PLEKHG7: variants seen among roughly 807,000 people sequenced by gnomAD.
PLEKHG7 encodes pleckstrin homology domain-containing family G member 7.
In PLEKHG7, 77 loss-of-function variants were observed where a neutral mutation model predicts 85.2. The observed-to-expected ratio is 0.90, with a 90% CI of 0.75 to 1.09. The LOEUF is 1.09. Among genes scored for constraint, PLEKHG7 ranks in the 50% least tolerant of loss-of-function variants. PLEKHG7 has a pLI of 0.00. For synonymous variants in PLEKHG7, 301 were observed against 302.4 expected (o/e 1.00, Z 0.05); for missense variants, 777 against 804.3 (o/e 0.97, Z 0.41).
intron 10 of PLEKHG7, among the ~76,000 whole-genome samples, chr12:92,748,476 A>T (rs1046467745): frequency 1.3e-5 from 2 of 151,532 alleles, no homozygotes; most frequent in Admixed American, 1.3e-4. Context: ...TTGAACTCCT[A>T]ACCTCAAGTG....
chr12:92,732,884 A>G (rs941324294), intron 5 of PLEKHG7, among the ~76,000 whole-genome samples: 2 of 152,096 alleles, frequency 1.3e-5, no homozygotes, highest in African/African-American at 4.8e-5. Flanking sequence ...CATGATGACA[A>G]CCTGACTCCT....
At chr12:92,725,690 T>A (rs979307602) in intron 3 of PLEKHG7, among the ~76,000 whole-genome samples, 8 of 152,206 alleles carry the variant, frequency 5.3e-5, no homozygotes, top group African/African-American at 1.9e-4. Context: ...TTCATATATT[T>A]TGTAAAAAAT....
At position 92,772,050 on chromosome 12, in the gene PLEKHG7, G is replaced by C. The variant is rs1313151024; in HGVS notation, c.*1855G>C. 1 of 151,488 alleles carries C rather than the reference G, an allele frequency of 6.6e-6. No individual in the cohort carries two copies. Among genetic ancestry groups the C allele is most frequent in the Non-Finnish European group, 1.5e-5 (1 of 67,770 alleles). The allele number at this position is 151,488 out of a possible 1,614,324, so 9.4% of individuals were successfully genotyped here. On this transcript the variant is annotated 3_prime_UTR_variant, in exon 17 of 17. Coordinates refer to ENST00000344636, the MANE Select transcript of PLEKHG7 (RefSeq NM_001377329.1). ...GCACATTCGAATGAAGGGATCACGG[G>C]GGTCAGAACAAAAACCATTCTAGAA... is the stretch of plus-strand genomic sequence containing the variant.
rs866374505 is a variant in PLEKHG7, at chr12:92,748,582, A to G, written c.1251+2991A>G. Among the ~76,000 whole-genome samples the G allele has an allele frequency of 2.4e-4, 36 of 152,308 alleles. 1 individual carries two copies. The highest frequency in any genetic ancestry group is 3.4e-3 in the Middle Eastern group (1 of 294). On this transcript the variant is annotated intron_variant, in intron 10 of 16. Transcript: ENST00000344636. ...CTTTTATAACGCATAATACTTCACC[A>G]GACACTTTCTCAAACATCTCTTAAT...
At chr12:92,769,504 T>C (rs912354207) in intron 16 of PLEKHG7, among the ~76,000 whole-genome samples, 2 of 152,216 alleles carry the variant, frequency 1.3e-5, no homozygotes, top group Non-Finnish European at 2.9e-5. Context: ...GGCGCAATAA[T>C]GATCCCTGTC....
At chr12:92,719,974 G>T (rs1871591138) in intron 3 of PLEKHG7, among the ~76,000 whole-genome samples, 1 of 152,178 alleles carries the variant, frequency 6.6e-6, no homozygotes, top group Admixed American at 6.5e-5. Context: ...GGAAACGGTG[G>T]CCCGGGGAAG....
chr12:92,707,580 A>G (rs2033048962), intron 2 of PLEKHG7, 70 bp from the exon 3 acceptor site: 2 of 1,578,500 alleles, frequency 1.3e-6, no homozygotes, highest in Admixed American at 1.8e-5. Flanking sequence ...TCTCCTTTCA[A>G]CATGTTTGCT....
intron 14 of PLEKHG7, among the ~76,000 whole-genome samples, chr12:92,762,691 G>A (rs1006229956): frequency 6.6e-6 from 1 of 152,156 alleles, no homozygotes; most frequent in African/African-American, 2.4e-5. Flanking sequence ...GGAACGCAAT[G>A]TCTTCAACAG....
intron 4 of PLEKHG7, among the ~76,000 whole-genome samples, chr12:92,730,517 T>TGTG (rs1231450188): frequency 3.9e-5 from 6 of 152,298 alleles, no homozygotes; most frequent in East Asian, 3.9e-4. Context: ...TTTTGTTTGT[T>TGTG]GTGGTGGTGG....
At chr12:92,721,555 T>C (rs755764679) in intron 3 of PLEKHG7, 23 of 1,189,272 alleles carry the variant, frequency 1.9e-5, no homozygotes, top group Admixed American at 4.4e-5. Flanking sequence ...TTGGGGTTTC[T>C]ACATGGTGGG....
At chr12:92,705,208 C>T (rs900778713) in intron 1 of PLEKHG7, among the ~76,000 whole-genome samples, 1 of 152,140 alleles carries the variant, frequency 6.6e-6, no homozygotes, top group Non-Finnish European at 1.5e-5. Context: ...GCTATAGAAG[C>T]CTGTAACAAT....
chr12:92,724,911 A>G (rs1421437960), intron 3 of PLEKHG7, among the ~76,000 whole-genome samples: 1 of 152,120 alleles, frequency 6.6e-6, no homozygotes, highest in Non-Finnish European at 1.5e-5. Flanking sequence ...AAGAGCATGC[A>G]CATTGAGTTG....
intron 16 of PLEKHG7, 31 bp downstream of exon 16, chr12:92,769,111 T>G (rs768014285): frequency 6.9e-7 from 1 of 1,454,388 alleles, no homozygotes; most frequent in Non-Finnish European, 9.5e-7. Context: ...GGTCTTTGAT[T>G]CTTCAGAGTT....
intron 13 of PLEKHG7, 82 bp from the exon 14 acceptor site, chr12:92,761,648 AAGAAAGAAAGAAAGAAAGAAAG>A: frequency 8.9e-7 from 1 of 1,127,828 alleles, no homozygotes; most frequent in African/African-American, 1.8e-5. Flanking sequence ...GAAAGAAAGA[AAGAAAGAAAGAAAGAAAGAAAG>A]AAAGAAAGAA....
At chr12:92,717,596 C>T (rs1817354513) in intron 3 of PLEKHG7, among the ~76,000 whole-genome samples, 1 of 152,234 alleles carries the variant, frequency 6.6e-6, no homozygotes, top group Non-Finnish European at 1.5e-5. Context: ...GTAAGATTAT[C>T]ATAACGTAGT....
intron 7 of PLEKHG7, among the ~76,000 whole-genome samples, chr12:92,740,440 C>G (rs991004442): frequency 3.3e-5 from 5 of 152,128 alleles, no homozygotes; most frequent in Non-Finnish European, 7.4e-5. Context: ...TTTTAATTCC[C>G]TGAAAGTAAA....
At chr12:92,716,337 G>A (rs779078667) in intron 3 of PLEKHG7, among the ~76,000 whole-genome samples, 6 of 152,044 alleles carry the variant, frequency 3.9e-5, no homozygotes, top group Non-Finnish European at 5.9e-5. Flanking sequence ...ACCTCAAGTC[G>A]TCCACCCTCC....
At chr12:92,720,197 T>C (rs1871598147) in intron 3 of PLEKHG7, among the ~76,000 whole-genome samples, 5 of 152,232 alleles carry the variant, frequency 3.3e-5, no homozygotes. Flanking sequence ...CTGAAGGCTC[T>C]AGGGGAGGAC....
At chr12:92,726,639 T>C (rs1478301240) in intron 3 of PLEKHG7, among the ~76,000 whole-genome samples, 1 of 152,152 alleles carries the variant, frequency 6.6e-6, no homozygotes, top group Non-Finnish European at 1.5e-5. Context: ...ATTTTGCTCC[T>C]TAGAGATCAC....
Sources: allele counts gnomAD v4.1 joint callset (sites outside exome capture counted in the v4.1 genomes callset), GRCh38; gene constraint gnomAD v4.1.1; transcripts MANE v1.5; gene names NCBI Gene and HGNC (gene_info 2026-07-23, HGNC 2026-07-21).